Variants in MOBP observed in about 807,000 individuals in gnomAD.
MOBP encodes the protein myelin associated oligodendrocyte basic protein.
Under a neutral mutation model 15.0 loss-of-function variants are expected in MOBP, and 5 were observed. The ratio of observed to expected loss-of-function variants is 0.33; its 90% CI spans 0.17 to 0.70. The LOEUF (loss-of-function observed/expected upper bound fraction) is 0.70. Among genes scored for constraint, MOBP ranks in the 30% least tolerant of loss-of-function variants. The pLI, the probability that MOBP is intolerant of heterozygous loss-of-function variation, is 0.67. For synonymous variants in MOBP, 88 were observed against 99.0 expected (o/e 0.89, Z 0.66); for missense variants, 188 against 257.8 (o/e 0.73, Z 1.85).
intron 1 of MOBP, among the ~76,000 whole-genome samples, chr3:39,475,232 C>T (rs2042528712): frequency 6.6e-6 from 1 of 152,154 alleles, no homozygotes; most frequent in African/African-American, 2.4e-5. Flanking sequence ...AAAAGAATTA[C>T]ACAGGGATGA....
intron 4 of MOBP, among the ~76,000 whole-genome samples, chr3:39,509,411 G>A (rs1445128290): frequency 2.0e-5 from 3 of 150,918 alleles, no homozygotes; most frequent in Non-Finnish European, 4.5e-5. Context: ...ATTCTGATAG[G>A]TATGTAATGG....
chr3:39,515,028 T>G (rs902911085), exon 5 of MOBP: 2 of 149,854 alleles, frequency 1.3e-5, no homozygotes, highest in African/African-American at 5.0e-5. Flanking sequence ...GTTGGGAAAC[T>G]TAGCTTTCAG....
intron 2 of MOBP, among the ~76,000 whole-genome samples, chr3:39,501,179 C>G (rs1019539464): frequency 6.6e-6 from 1 of 152,236 alleles, no homozygotes; most frequent in Non-Finnish European, 1.5e-5. Flanking sequence ...ATGCTTTGTA[C>G]ACACTTGTAT....
chr3:39,518,177 C>A (rs2043225494), downstream of MOBP, among the ~76,000 whole-genome samples: 1 of 152,202 alleles, frequency 6.6e-6, no homozygotes, highest in South Asian at 2.1e-4. Context: ...TCTGTGGGAC[C>A]CAGTAGTGGT....
chr3:39,474,462 TA>T (rs1238601356), intron 1 of MOBP, among the ~76,000 whole-genome samples: 1 of 152,186 alleles, frequency 6.6e-6, no homozygotes, highest in East Asian at 1.9e-4. Context: ...ACAGGCTACT[TA>T]ATACAACGGT....
At chr3:39,498,095 G>A (rs2042912133) in intron 2 of MOBP, among the ~76,000 whole-genome samples, 1 of 152,220 alleles carries the variant, frequency 6.6e-6, no homozygotes, top group South Asian at 2.1e-4. Context: ...AATATGTAAG[G>A]ATGTGGCTTT....
At chr3:39,503,659 T>TTTA (rs1553619058), downstream of MOBP, among the ~76,000 whole-genome samples, 446 of 4,062 alleles carry the variant, frequency 0.11, 3 homozygotes, top group Middle Eastern at 0.25. Context: ...TGGCCAATTT[T>TTTA]TTATTTATTT....
At chr3:39,468,760 A>ATG (rs775499778) in intron 1 of MOBP, among the ~76,000 whole-genome samples, 9 of 135,546 alleles carry the variant, frequency 6.6e-5, no homozygotes, top group Middle Eastern at 9.2e-3. Flanking sequence ...ACATATATAC[A>ATG]TGTGTGTGTA....
At chr3:39,482,567 G>A (rs1371011525) in intron 2 of MOBP, among the ~76,000 whole-genome samples, 1 of 151,220 alleles carries the variant, frequency 6.6e-6, no homozygotes. Context: ...CAGGAGAATG[G>A]CGTGAACCCA....
At chr3:39,509,216 T>C (rs1451887947) in intron 4 of MOBP, among the ~76,000 whole-genome samples, 1 of 152,182 alleles carries the variant, frequency 6.6e-6, no homozygotes. Flanking sequence ...TATGTGAACA[T>C]AAGTTTTCCT....
downstream of MOBP, among the ~76,000 whole-genome samples, chr3:39,503,415 C>G (rs1051501282): frequency 6.6e-6 from 1 of 152,120 alleles, no homozygotes; most frequent in Non-Finnish European, 1.5e-5. Context: ...GTGAGGAAGC[C>G]GTGTTGTTTG....
downstream of MOBP, chr3:39,529,436 G>T (rs2043367281): frequency 6.6e-6 from 1 of 152,168 alleles, no homozygotes; most frequent in Admixed American, 6.5e-5. Flanking sequence ...AATGCCAGTT[G>T]ATGTCTGTAA....
chr3:39,472,674 C>T (rs1234981064), intron 1 of MOBP, among the ~76,000 whole-genome samples: 2 of 152,192 alleles, frequency 1.3e-5, no homozygotes, highest in Non-Finnish European at 2.9e-5. Context: ...GCCTGTAATC[C>T]TAGCACTTTG....
At chr3:39,493,301 C>T (rs770904058) in intron 2 of MOBP, among the ~76,000 whole-genome samples, 11 of 151,684 alleles carry the variant, frequency 7.3e-5, no homozygotes, top group South Asian at 2.1e-4. Context: ...ACCCCTAGGA[C>T]GTGTAATGAA....
intron 2 of MOBP, among the ~76,000 whole-genome samples, chr3:39,482,045 C>T (rs935461363): frequency 6.6e-5 from 10 of 152,168 alleles, no homozygotes; most frequent in Admixed American, 1.3e-4. Flanking sequence ...ATTCACATGA[C>T]ATCTTCATCT....
intron 1 of MOBP, among the ~76,000 whole-genome samples, chr3:39,470,825 A>T (rs568288151): frequency 1.3e-5 from 2 of 152,228 alleles, no homozygotes; most frequent in African/African-American, 2.4e-5. Context: ...GGCTTATATT[A>T]CTACCAGTAT....
chr3:39,504,450 T>A (rs1007284871), downstream of MOBP, among the ~76,000 whole-genome samples: 7 of 152,240 alleles, frequency 4.6e-5, no homozygotes, highest in African/African-American at 1.7e-4. Flanking sequence ...CCTGGATCAG[T>A]GTATTCACCT....
chr3:39,508,985 G>C (rs905970453), intron 4 of MOBP, among the ~76,000 whole-genome samples: 1 of 151,958 alleles, frequency 6.6e-6, no homozygotes, highest in African/African-American at 2.4e-5. Context: ...TATGTATATA[G>C]TATATATACA....
At position 39,469,035 on chromosome 3, in the gene MOBP, CATATATACATATGTGTGTGTATAT is replaced by C. The variant is rs2042410045; in HGVS notation, c.-89+1297_-89+1320del. ...ATATACATATGTGTGTATATATATA[CATATATACATATGTGTGTGTATAT>C]ACATATATACATATGTGTGTGTGTA... On this transcript the variant is annotated intron_variant, in intron 1 of 3. Coordinates refer to ENST00000684792, the MANE Select transcript of MOBP (RefSeq NM_001393704.1). Among the ~76,000 whole-genome samples, 2 of 41,268 alleles carry C rather than the reference CATATATACATATGTGTGTGTATAT, an allele frequency of 4.8e-5. 1 individual carries two copies. Among genetic ancestry groups the C allele is most frequent in the East Asian group, 8.4e-4 (2 of 2,368 alleles). The allele number at this position is 41,268 out of a possible 152,430, so 27.1% of individuals were successfully genotyped here.
Sources: gnomAD v4.1 joint callset for allele counts (sites outside exome capture counted in the v4.1 genomes callset) on GRCh38, gnomAD v4.1.1 for gene constraint, MANE v1.5 for transcripts, NCBI Gene and HGNC (gene_info 2026-07-23, HGNC 2026-07-21) for gene names.